TTC4: variants seen among roughly 807,000 people sequenced by gnomAD.
TTC4 encodes the protein tetratricopeptide repeat domain 4.
A neutral mutation model predicts 51.9 loss-of-function variants in TTC4; 36 were observed. That is an observed-to-expected ratio of 0.69 (90% confidence interval 0.53 to 0.92). The LOEUF (loss-of-function observed/expected upper bound fraction) is 0.92, where lower values mean the gene tolerates loss of function less well. TTC4 is among the 40% of genes least tolerant of loss of function. The pLI is 0.00. For missense variants in TTC4, 399 were observed against 454.6 expected (o/e 0.88, Z 1.11); for synonymous variants, 144 against 164.2 (o/e 0.88, Z 0.94).
chr1:54,741,330 C>G (rs1442350474), intron 9 of TTC4, 81 bp from the exon 10 acceptor site: 10 of 1,186,086 alleles, frequency 8.4e-6, no homozygotes, highest in Non-Finnish European at 1.3e-5. Flanking sequence ...AGAGGCTCAC[C>G]TTGCATGTTG....
rs1646010279 is a variant in TTC4, at chr1:54,741,488, G to A, written c.1139G>A (p.Gly380Glu). ...CCTTTTTGCAAGAATTTTCTCCGGG[G>A]GAGAAAGGTGTACCAGATACGATGA... is the stretch of plus-strand genomic sequence containing the variant. ...SSPFCKNFLR[G>E]RKVYQIR Residue 380 changes from glycine to glutamate, a missense_variant, in exon 10 of 10, where the codon GGG becomes GAG. This residue lies in a region of TTC4 where 64 missense variants were observed against 61.3 expected (regional missense o/e 1.04). Coordinates refer to ENST00000371281, the MANE Select transcript of TTC4 (RefSeq NM_004623.5). 4 of 1,614,006 alleles carry A rather than the reference G, an allele frequency of 2.5e-6. No individual in the cohort carries two copies. Among genetic ancestry groups the A allele is most frequent in the African/African-American group, 1.3e-5 (1 of 74,894 alleles).
chr1:54,737,694 G>A (rs1226955137), intron 9 of TTC4, 30 bp downstream of exon 9: 1 of 1,599,402 alleles, frequency 6.3e-7, no homozygotes, highest in East Asian at 2.2e-5. Context: ...TGAGTAGATT[G>A]GGGAAGATGC....
In TTC4 at chr1:54,721,184, A is replaced by G. The variant is rs1248887063; in HGVS notation, c.413A>G (p.Asn138Ser). ...TTAGGCAATTTTCGTTCTGCTCTCA[A>G]TGATGTGACAGCTGCCAGAAAGCTA... ...YYLGNFRSAL[N>S]DVTAARKLKP... is the part of the protein sequence containing the mutation. Residue 138 changes from asparagine (N) to serine (S), a missense_variant, in exon 4 of 10, where the codon AAT (asparagine) becomes AGT (serine). This residue lies in a region of TTC4 where 316 missense variants were observed against 349.6 expected (regional missense o/e 0.90). Transcript: ENST00000371281. The G allele has an allele frequency of 1.2e-6, 2 of 1,613,534 alleles. No homozygotes were observed. The highest frequency in any genetic ancestry group is 1.7e-5 in the Admixed American group (1 of 60,002).
chr1:54,731,688 A>G lies in TTC4; in HGVS notation c.884A>G (p.His295Arg). Residue 295 changes from histidine to arginine, a missense_variant, in exon 7 of 10, where the codon CAT becomes CGT. By Grantham distance (29) the His-to-Arg change is conservative. This residue lies in a region of TTC4 where 316 missense variants were observed against 349.6 expected (regional missense o/e 0.90). Coordinates refer to ENST00000371281, the MANE Select transcript of TTC4 (RefSeq NM_004623.5). ...CAGTCGGACTTCATCTCTGCTTTTC[A>G]TGAGGACTCCAGGTACTGACTTGCC... ...YAQSDFISAFHEDSRFIDHLM... is the reference protein window; with the variant it reads ...YAQSDFISAFREDSRFIDHLM... 1.9e-6 allele frequency: 3 copies of G among 1,613,982 alleles called. No individual in the cohort carries two copies. Among genetic ancestry groups the G allele is most frequent in the South Asian group, 1.1e-5 (1 of 91,066 alleles).
At chr1:54,736,215 A>T (rs1468528349) in intron 8 of TTC4, among the ~76,000 whole-genome samples, 3,313 of 120,286 alleles carry the variant, frequency 0.028, 356 homozygotes, top group African/African-American at 0.074. Flanking sequence ...AGAGAGAGAG[A>T]GAGAGAGAAG....
At chr1:54,716,802 G>T in intron 2 of TTC4, 85 bp downstream of exon 2, 1 of 1,083,048 alleles carries the variant, frequency 9.2e-7, no homozygotes. Context: ...TTGATAACAA[G>T]AAGTAGTTAG....
At chr1:54,733,066 C>G (rs546953853) in intron 7 of TTC4, among the ~76,000 whole-genome samples, 152 of 151,536 alleles carry the variant, frequency 1.0e-3, no homozygotes, top group Admixed American at 1.8e-3. Context: ...CACACTCCAG[C>G]CTTGGTGACA....
chr1:54,732,342 A>C (rs1645876947), intron 7 of TTC4, among the ~76,000 whole-genome samples: 1 of 148,968 alleles, frequency 6.7e-6, no homozygotes, highest in Non-Finnish European at 1.5e-5. Context: ...AAAATAAAAA[A>C]GAGATATATG....
In TTC4 at chr1:54,733,300, G is replaced by C. The variant is rs566346400; in HGVS notation, c.897-329G>C. On this transcript the variant is annotated intron_variant, in intron 7 of 9. Transcript: ENST00000371281. The stretch of plus-strand genomic sequence containing the variant: ...CCAGGCATGGTGGCATGTGCCTGTA[G>C]TCTCAGCTATGCAGGAGGCTAAGGT... Among the ~76,000 whole-genome samples the C allele has an allele frequency of 3.3e-5, 5 of 151,826 alleles. No individual in the cohort carries two copies. In the South Asian group the frequency reaches 1.0e-3, roughly 32 times the overall value.
intron 5 of TTC4, among the ~76,000 whole-genome samples, chr1:54,726,834 A>G (rs975393401): frequency 6.6e-6 from 1 of 151,928 alleles, no homozygotes; most frequent in Non-Finnish European, 1.5e-5. Context: ...GTGCAGTGGT[A>G]TGATCATGGC....
In TTC4 at chr1:54,716,620, A is replaced by G. The variant is rs1645679748; in HGVS notation, c.132A>G (p.Leu44=). ...TACAGGAATTTGAAAAGGTCCCCCT[A>G]TTTATGTCGAGAGCGCCATCAGAAA... ...QWEKEFEKVP[L]FMSRAPSEID... is the part of the protein sequence containing the mutation. The change falls in exon 2 of 10, where the codon CTA becomes CTG. Residue 44 remains leucine, a synonymous_variant. Transcript: ENST00000371281. 1.2e-6 allele frequency: 2 copies of G among 1,613,272 alleles called. No homozygotes were observed. The highest frequency in any genetic ancestry group is 1.1e-5 in the South Asian group (1 of 90,956).
At chr1:54,722,095 G>A (rs1272714736) in intron 4 of TTC4, among the ~76,000 whole-genome samples, 1 of 151,894 alleles carries the variant, frequency 6.6e-6, no homozygotes, top group African/African-American at 2.4e-5. Flanking sequence ...ACCTAAAGAG[G>A]CTAACTGGAG....
At chr1:54,735,916 A>C (rs1449586294) in intron 8 of TTC4, among the ~76,000 whole-genome samples, 1 of 151,978 alleles carries the variant, frequency 6.6e-6, no homozygotes, top group African/African-American at 2.4e-5. Flanking sequence ...ACTTGTGTCT[A>C]TTTTTTAAGT....
In TTC4 at chr1:54,741,469, T is replaced by A. The variant is rs1646009724; in HGVS notation, c.1120T>A (p.Cys374Ser). 1 of 1,614,202 alleles carries A rather than the reference T, an allele frequency of 6.2e-7. No homozygotes were observed. The highest frequency in any genetic ancestry group is 1.7e-5 in the Admixed American group (1 of 60,026). ...FLVCVGSSPFCKNFLRGRKVY... is the reference protein window; with the variant it reads ...FLVCVGSSPFSKNFLRGRKVY... ...GGTCTGTGTAGGATCCTCTCCTTTT[T>A]GCAAGAATTTTCTCCGGGGGAGAAA... is the stretch of plus-strand genomic sequence containing the variant. The change falls in exon 10 of 10, where the codon TGC becomes AGC. Residue 374 changes from cysteine to serine, a missense_variant. Physicochemically the swap from Cys to Ser is moderately radical, Grantham distance 112. This residue lies in a region of TTC4 where 64 missense variants were observed against 61.3 expected (regional missense o/e 1.04). Transcript: ENST00000371281.
At chr1:54,734,079 T>A (rs184905574) in intron 8 of TTC4, among the ~76,000 whole-genome samples, 1,968 of 152,332 alleles carry the variant, frequency 0.013, 45 homozygotes, top group African/African-American at 0.044. Flanking sequence ...TCCTTTTTTT[T>A]TTAAATTTTT....
intron 3 of TTC4, among the ~76,000 whole-genome samples, chr1:54,720,326 A>G (rs902665510): frequency 2.0e-5 from 3 of 152,168 alleles, no homozygotes; most frequent in African/African-American, 7.2e-5. Flanking sequence ...CCTGGGCTAG[A>G]GATTTAGGTA....
intron 3 of TTC4, among the ~76,000 whole-genome samples, chr1:54,718,907 G>A (rs1170193852): frequency 1.3e-5 from 2 of 152,116 alleles, no homozygotes; most frequent in African/African-American, 4.8e-5. Flanking sequence ...GTACTCAGTG[G>A]ACCTTTTCAG....
At chr1:54,717,415 T>C (rs1645689072) in intron 2 of TTC4, 77 bp from the exon 3 acceptor site, 2 of 1,328,768 alleles carry the variant, frequency 1.5e-6, no homozygotes, top group East Asian at 5.2e-5. Flanking sequence ...TAGTACATTA[T>C]TACATGATTT....
intron 8 of TTC4, among the ~76,000 whole-genome samples, chr1:54,733,932 T>C (rs1274501578): frequency 2.0e-5 from 3 of 152,132 alleles, no homozygotes; most frequent in African/African-American, 7.2e-5. Context: ...CTCCAAAACT[T>C]TTTCATCTTC....
Sources: gnomAD v4.1 joint callset for allele counts (sites outside exome capture counted in the v4.1 genomes callset) on GRCh38, gnomAD v4.1.1 for gene constraint, gnomAD v4.1.1 regional missense constraint, MANE v1.5 for transcripts, NCBI Gene and HGNC (gene_info 2026-07-23, HGNC 2026-07-21) for gene names.